The following CLASP1 variants were observed in gnomAD, a reference collection of about 807,000 sequenced individuals.
CLASP1 encodes the protein CLIP-associating protein 1.
Under a neutral mutation model 192.3 loss-of-function variants are expected in CLASP1, and 38 were observed. That is an observed-to-expected ratio of 0.20 (90% confidence interval 0.15 to 0.26). The LOEUF is 0.26. CLASP1 is among the 10% of genes least tolerant of loss of function. The probability of loss-of-function intolerance (pLI) is 1.00; values close to 1 mark genes in which losing one functional copy is unlikely to be tolerated. For synonymous variants in CLASP1, 691 were observed against 712.8 expected, an observed-to-expected ratio of 0.97 and a Z score of 0.49; for missense variants, 1,433 against 1,932.5, an observed-to-expected ratio of 0.74 and a Z score of 4.85.
chr2:121,528,960 CAA>C (rs1240518211), intron 3 of CLASP1, among the ~76,000 whole-genome samples, 180 bp from the exon 4 acceptor site: 1 of 152,186 alleles, frequency 6.6e-6, no homozygotes, highest in Non-Finnish European at 1.5e-5. Flanking sequence ...TGAAAGTCAC[CAA>C]AAGAGTCTGC....
chr2:121,423,460 A>G (rs2079853300), intron 22 of CLASP1, among the ~76,000 whole-genome samples: 1 of 152,206 alleles, frequency 6.6e-6, no homozygotes, highest in Non-Finnish European at 1.5e-5. Context: ...AATTTCAAGA[A>G]GAAGATTAAA....
chr2:121,382,956 A>G (rs1254270758), intron 32 of CLASP1, among the ~76,000 whole-genome samples: 1 of 152,232 alleles, frequency 6.6e-6, no homozygotes, highest in Non-Finnish European at 1.5e-5. Flanking sequence ...TGGGCAGCTC[A>G]GAGTGCTGGG....
chr2:121,496,571 A>G (rs2093542340), intron 8 of CLASP1, among the ~76,000 whole-genome samples: 1 of 126,702 alleles, frequency 7.9e-6, no homozygotes, highest in African/African-American at 4.2e-5. Context: ...TGAGAGACAT[A>G]GAAGAAAAGC....
chr2:121,365,423 T>C, intron 35 of CLASP1, 139 bp from the exon 37 acceptor site: 1 of 798,720 alleles, frequency 1.3e-6, no homozygotes, highest in Non-Finnish European at 2.0e-6. Context: ...CCTCCCACCC[T>C]CCGCCCTGCT....
chr2:121,533,845 G>A (rs775244408), intron 2 of CLASP1, among the ~76,000 whole-genome samples: 6 of 152,120 alleles, frequency 3.9e-5, no homozygotes, highest in Non-Finnish European at 7.4e-5. Context: ...CTGGGTACAC[G>A]GTAGGTGATC....
chr2:121,355,947 T>C (rs2065297654), intron 37 of CLASP1, among the ~76,000 whole-genome samples: 1 of 152,216 alleles, frequency 6.6e-6, no homozygotes, highest in African/African-American at 2.4e-5. Flanking sequence ...GTCAGTGAAG[T>C]AATAGTGTCT....
intron 8 of CLASP1, among the ~76,000 whole-genome samples, chr2:121,478,660 A>C (rs796193455): frequency 1.0e-3 from 48 of 46,530 alleles, no homozygotes; most frequent in Admixed American, 2.6e-3. Context: ...ACACACACAC[A>C]CCCCCCACAC....
At chr2:121,488,799 C>G (rs2093136025) in intron 8 of CLASP1, among the ~76,000 whole-genome samples, 1 of 152,184 alleles carries the variant, frequency 6.6e-6, no homozygotes. Flanking sequence ...CATACCACTT[C>G]CATAAGAAAC....
intron 1 of CLASP1, among the ~76,000 whole-genome samples, chr2:121,616,569 A>G: frequency 6.6e-6 from 1 of 152,254 alleles, no homozygotes; most frequent in South Asian, 2.1e-4. Flanking sequence ...AGAAGGTATG[A>G]TAGTTTAAAG....
chr2:121,405,797 A>C (rs1261699334), intron 25 of CLASP1, among the ~76,000 whole-genome samples: 4 of 152,228 alleles, frequency 2.6e-5, no homozygotes, highest in Non-Finnish European at 4.4e-5. Flanking sequence ...AAAGTGTCAC[A>C]GGATGCCTGC....
Position 121,387,286 on chromosome 2 carries a change from T to C in CLASP1, c.3268-58A>G, listed in dbSNP as rs1311351961. 3 of 1,178,480 alleles carry C rather than the reference T, an allele frequency of 2.5e-6. No homozygotes were observed. The African/African-American group carries it at 4.7e-5, about 19-fold the overall frequency. The allele number at this position is 1,178,480 out of a possible 1,614,324, so 73.0% of individuals were successfully genotyped here. On this transcript the variant is annotated intron_variant, in intron 31 of 39. Coordinates refer to ENST00000263710, the Ensembl canonical transcript of CLASP1. ...AGGGCTGTATATAGAATATATTCTA[T>C]TCTTTCCTTGGTCTTTTAACCCACA...
At chr2:121,510,750 A>G (rs2094107765) in intron 7 of CLASP1, among the ~76,000 whole-genome samples, 3 of 152,122 alleles carry the variant, frequency 2.0e-5, no homozygotes, top group Admixed American at 2.0e-4. Context: ...GTGAGCAATG[A>G]TCATGTCATT....
intron 24 of CLASP1, among the ~76,000 whole-genome samples, chr2:121,408,247 T>TA (rs2077199094): frequency 6.6e-6 from 1 of 152,206 alleles, no homozygotes; most frequent in Non-Finnish European, 1.5e-5. Context: ...TTATGTTTCC[T>TA]AAAAAAGTCA....
intron 1 of CLASP1, among the ~76,000 whole-genome samples, chr2:121,637,867 C>CA (rs572577523): frequency 3.3e-4 from 49 of 150,670 alleles, no homozygotes; most frequent in Non-Finnish European, 5.5e-4. Flanking sequence ...GCCTGGGCGA[C>CA]AGAGTGAGAC....
At chr2:121,391,198 T>C (rs2074280910) in intron 30 of CLASP1, among the ~76,000 whole-genome samples, 1 of 152,220 alleles carries the variant, frequency 6.6e-6, no homozygotes, top group South Asian at 2.1e-4. Context: ...TAATCTAAAA[T>C]GCAAACAGTG....
chr2:121,633,015 T>C (rs898296792), intron 1 of CLASP1, among the ~76,000 whole-genome samples: 1 of 147,190 alleles, frequency 6.8e-6, no homozygotes, highest in Non-Finnish European at 1.5e-5. Context: ...TGCATATATA[T>C]ATATATATAT....
chr2:121,546,363 C>T (rs190053213), intron 2 of CLASP1, among the ~76,000 whole-genome samples: 2 of 151,078 alleles, frequency 1.3e-5, no homozygotes, highest in East Asian at 1.9e-4. Context: ...ATCTAGTGTG[C>T]GCAGCTCTCA....
intron 2 of CLASP1, among the ~76,000 whole-genome samples, chr2:121,565,931 C>T (rs533475243): frequency 2.2e-4 from 33 of 152,222 alleles, no homozygotes; most frequent in South Asian, 1.0e-3. Context: ...ATCTCTTTTC[C>T]GAAGAGAAAA....
intron 19 of CLASP1, among the ~76,000 whole-genome samples, chr2:121,440,107 A>AC (rs547864644): frequency 0.015 from 2,274 of 151,762 alleles, 27 homozygotes; most frequent in South Asian, 0.047. Context: ...AAAAAAAAAA[A>AC]AAAAAACTAA....
Sources: gnomAD v4.1 joint callset for allele counts (sites outside exome capture counted in the v4.1 genomes callset) on GRCh38, gnomAD v4.1.1 for gene constraint, MANE v1.5 for transcripts, NCBI Gene and HGNC (gene_info 2026-07-23, HGNC 2026-07-21) for gene names.